PITPNC1: variants seen among roughly 807,000 people sequenced by gnomAD.
PITPNC1 encodes phosphatidylinositol transfer protein cytoplasmic 1, also known as cytoplasmic phosphatidylinositol transfer protein 1.
Under a neutral mutation model 44.7 loss-of-function variants are expected in PITPNC1, and 18 were observed. The observed-to-expected ratio is 0.40, with a 90% confidence interval of 0.28 to 0.60. PITPNC1 has a LOEUF of 0.60. PITPNC1 is among the 20% of genes least tolerant of loss of function. PITPNC1 has a pLI of 0.39. For synonymous variants in PITPNC1, 141 were observed against 149.6 expected, an observed-to-expected ratio of 0.94 and a Z score of 0.42; for missense variants, 290 against 418.4, an observed-to-expected ratio of 0.69 and a Z score of 2.68.
At chr17:67,630,121 T>TTAATA (rs1407509140) in intron 5 of PITPNC1, among the ~76,000 whole-genome samples, 13 of 152,218 alleles carry the variant, frequency 8.5e-5, no homozygotes, top group Non-Finnish European at 1.9e-4. Flanking sequence ...TGCCCTCTTG[T>TTAATA]GGGAGACTGT....
intron 4 of PITPNC1, among the ~76,000 whole-genome samples, chr17:67,554,172 A>G (rs1362874828): frequency 1.3e-5 from 2 of 151,716 alleles, no homozygotes; most frequent in East Asian, 3.9e-4. Flanking sequence ...CTATAATATC[A>G]TTGTGTTGTG....
intron 1 of PITPNC1, among the ~76,000 whole-genome samples, chr17:67,390,574 A>T (rs6504503): frequency 0.3 from 45,639 of 152,062 alleles, 8,037 homozygotes; most frequent in African/African-American, 0.49. Flanking sequence ...TGCCTTATTG[A>T]TGTTTGTCTG....
At chr17:67,422,256 C>T (rs2038681626) in intron 1 of PITPNC1, among the ~76,000 whole-genome samples, 1 of 152,214 alleles carries the variant, frequency 6.6e-6, no homozygotes, top group Non-Finnish European at 1.5e-5. Context: ...ACATTGTCTA[C>T]TTACCATTGC....
At chr17:67,682,399 T>C (rs949244023) in intron 8 of PITPNC1, among the ~76,000 whole-genome samples, 2 of 151,986 alleles carry the variant, frequency 1.3e-5, no homozygotes, top group Non-Finnish European at 2.9e-5. Flanking sequence ...AGGAGGAGAT[T>C]TTGGCCTCAG....
intron 1 of PITPNC1, among the ~76,000 whole-genome samples, chr17:67,513,489 G>GTGTATATATATATA (rs772483698): frequency 2.9e-5 from 4 of 138,670 alleles, no homozygotes; most frequent in African/African-American, 1.1e-4. Flanking sequence ...GTGTGTGTGT[G>GTGTATATATATATA]TATATATATA....
chr17:67,474,052 C>A (rs1321270969), intron 1 of PITPNC1, among the ~76,000 whole-genome samples: 1 of 152,112 alleles, frequency 6.6e-6, no homozygotes, highest in East Asian at 1.9e-4. Flanking sequence ...AAATGGACTA[C>A]TTTAAGTTAA....
At chr17:67,397,674 G>A (rs2143813523) in intron 1 of PITPNC1, among the ~76,000 whole-genome samples, 1 of 152,280 alleles carries the variant, frequency 6.6e-6, no homozygotes, top group South Asian at 2.1e-4. Flanking sequence ...GGAGGACTTT[G>A]CAGCCACCTC....
chr17:67,386,225 C>G (rs1214625685), intron 1 of PITPNC1, among the ~76,000 whole-genome samples: 1 of 152,154 alleles, frequency 6.6e-6, no homozygotes, highest in Admixed American at 6.6e-5. Flanking sequence ...GAGTTTTGCT[C>G]TTGTCGCCCA....
intron 1 of PITPNC1, among the ~76,000 whole-genome samples, chr17:67,439,755 T>C (rs906420958): frequency 6.6e-6 from 1 of 152,240 alleles, no homozygotes; most frequent in African/African-American, 2.4e-5. Context: ...TGGACATTTC[T>C]TTTTTAAGTA....
chr17:67,403,218 C>CAAAAAAAAAAAAAAAAAAAA lies in PITPNC1; in HGVS notation c.48+25020_48+25039dup, dbSNP rs34768084. ...GGCAACACAGTGGACCTCATCTCTA[C>CAAAAAAAAAAAAAAAAAAAA]AAAAAAAAAAAAAAAAAAAAAAAGT... On this transcript the variant is annotated intron_variant, in intron 1 of 8. Transcript: ENST00000581322. Among the ~76,000 whole-genome samples the CAAAAAAAAAAAAAAAAAAAA allele has an allele frequency of 1.9e-4, 13 of 68,962 alleles. 3 individuals are homozygous for CAAAAAAAAAAAAAAAAAAAA. Among genetic ancestry groups the CAAAAAAAAAAAAAAAAAAAA allele is most frequent in the African/African-American group, 5.8e-4 (11 of 19,118 alleles). 45.2% of individuals were successfully genotyped at this position (68,962 alleles called of 152,430 possible). A position where few individuals can be genotyped will look rare whatever the true frequency, so the allele number is the denominator to read the frequency against.
chr17:67,662,707 TCTA>T (rs2042366742), intron 6 of PITPNC1, among the ~76,000 whole-genome samples: 4 of 152,212 alleles, frequency 2.6e-5, no homozygotes, highest in Admixed American at 2.0e-4. Flanking sequence ...GTTGGCTTCT[TCTA>T]CTTAGTAGCA....
intron 6 of PITPNC1, among the ~76,000 whole-genome samples, chr17:67,637,038 G>A (rs138403376): frequency 1.3e-5 from 2 of 152,118 alleles, no homozygotes; most frequent in Non-Finnish European, 2.9e-5. Context: ...CTGGTCCGTG[G>A]CTTCTAGATC....
intron 8 of PITPNC1, among the ~76,000 whole-genome samples, chr17:67,685,071 T>G (rs1002537070): frequency 6.6e-6 from 1 of 152,276 alleles, no homozygotes; most frequent in Non-Finnish European, 1.5e-5. Context: ...TAGCTAAAAG[T>G]GATCGTCTAG....
At chr17:67,407,718 C>T (rs1004621211) in intron 1 of PITPNC1, among the ~76,000 whole-genome samples, 6 of 151,686 alleles carry the variant, frequency 4.0e-5, no homozygotes, top group African/African-American at 1.2e-4. Flanking sequence ...CGCTTGAACC[C>T]AGGAGGCAGA....
At chr17:67,465,871 G>A (rs1441848989) in intron 1 of PITPNC1, among the ~76,000 whole-genome samples, 1 of 152,070 alleles carries the variant, frequency 6.6e-6, no homozygotes, top group Non-Finnish European at 1.5e-5. Context: ...TGATGTATGG[G>A]ATGGGGGCTA....
At chr17:67,686,979 C>T in intron 8 of PITPNC1, 1 of 764,980 alleles carries the variant, frequency 1.3e-6, no homozygotes, top group Non-Finnish European at 2.3e-6. Flanking sequence ...TCCTTGGCTA[C>T]TGCTCAGCTA....
intron 1 of PITPNC1, among the ~76,000 whole-genome samples, chr17:67,433,353 C>T (rs1468226864): frequency 6.6e-6 from 1 of 152,146 alleles, no homozygotes; most frequent in African/African-American, 2.4e-5. Context: ...GCTGTGGAAC[C>T]GGAGTCTGGA....
intron 1 of PITPNC1, among the ~76,000 whole-genome samples, chr17:67,467,740 C>A (rs900899296): frequency 3.3e-5 from 5 of 152,154 alleles, no homozygotes; most frequent in Admixed American, 6.5e-5. Flanking sequence ...TGCCTTTGGG[C>A]CTTGTGTCAA....
At chr17:67,413,401 T>TTTTCTTTATTTCTTTCTTTCTTTC (rs1555648639) in intron 1 of PITPNC1, among the ~76,000 whole-genome samples, 1 of 145,400 alleles carries the variant, frequency 6.9e-6, no homozygotes, top group Non-Finnish European at 1.5e-5. Context: ...ATGTGCTTAA[T>TTTTCTTTATTTCTTTCTTTCTTTC]TTTCTTTCTT....
Sources: allele counts gnomAD v4.1 joint callset (sites outside exome capture counted in the v4.1 genomes callset), GRCh38; gene constraint gnomAD v4.1.1; transcripts MANE v1.5; gene names NCBI Gene and HGNC (gene_info 2026-07-23, HGNC 2026-07-21).